IFNLR1: variants seen among roughly 807,000 people sequenced by gnomAD.
IFNLR1 encodes the protein CRF2-12.
A neutral mutation model predicts 52.5 loss-of-function variants in IFNLR1; 28 were observed. That is an observed-to-expected ratio of 0.53 (90% CI 0.40 to 0.73). The LOEUF (loss-of-function observed/expected upper bound fraction) is 0.73. Ranked by LOEUF, IFNLR1 falls within the 30% of genes least tolerant of loss-of-function variation. The probability of loss-of-function intolerance (pLI) is 0.00; values close to 1 mark genes in which losing one functional copy is unlikely to be tolerated. For synonymous variants in IFNLR1, 276 were observed against 274.9 expected (o/e 1.00, Z -0.04); for missense variants, 623 against 659.1 (o/e 0.95, Z 0.60).
At chr1:24,179,489 A>G (rs1644667064) in intron 2 of IFNLR1, among the ~76,000 whole-genome samples, 1 of 152,162 alleles carries the variant, frequency 6.6e-6, no homozygotes, top group African/African-American at 2.4e-5. Context: ...CTTGCTTTTG[A>G]AAGCTCTCTT....
At chr1:24,166,359 T>C (rs1644519888) in intron 3 of IFNLR1, among the ~76,000 whole-genome samples, 1 of 152,114 alleles carries the variant, frequency 6.6e-6, no homozygotes, top group Admixed American at 6.6e-5. Context: ...ATTCTTCCCA[T>C]ACATCCATTC....
intron 5 of IFNLR1, 77 bp from the exon 6 acceptor site, chr1:24,159,259 A>G: frequency 1.3e-6 from 2 of 1,528,112 alleles, no homozygotes; most frequent in Middle Eastern, 1.7e-4. Context: ...AGTGCTTCAC[A>G]TACATGACCC....
chr1:24,184,521 C>T (rs1644719407), intron 1 of IFNLR1, among the ~76,000 whole-genome samples: 1 of 152,048 alleles, frequency 6.6e-6, no homozygotes, highest in African/African-American at 2.4e-5. Flanking sequence ...CCAACAGCTA[C>T]CCTACAGGCT....
chr1:24,154,518 A>C lies in IFNLR1; in HGVS notation c.*2612T>G, dbSNP rs1644359400. On this transcript the variant is annotated 3_prime_UTR_variant, in exon 7 of 7. Coordinates refer to ENST00000327535, the MANE Select transcript of IFNLR1 (RefSeq NM_170743.4). ...TGCTTCTCCTGGCTTTTTGTGAATG[A>C]CTTAATGACGATAAAGGAGATGGAG... The C allele has an allele frequency of 6.6e-6, 1 of 152,204 alleles. No homozygotes were observed. Among genetic ancestry groups the C allele is most frequent in the African/African-American group, 2.4e-5 (1 of 41,452 alleles). 9.4% of individuals were successfully genotyped at this position (152,204 alleles called of 1,614,324 possible).
intron 5 of IFNLR1, 66 bp from the exon 6 acceptor site, chr1:24,159,248 G>T (rs896458269): frequency 1.9e-6 from 3 of 1,569,842 alleles, no homozygotes; most frequent in Non-Finnish European, 2.6e-6. Flanking sequence ...CACCTGTGCC[G>T]AGTGCTTCAC....
At chr1:24,175,037 A>G (rs1401726753) in intron 2 of IFNLR1, among the ~76,000 whole-genome samples, 1 of 152,248 alleles carries the variant, frequency 6.6e-6, no homozygotes, top group African/African-American at 2.4e-5. Flanking sequence ...AGCTTTGACT[A>G]AAGGGGACAG....
chr1:24,180,103 C>T (rs765246143), intron 2 of IFNLR1, among the ~76,000 whole-genome samples: 27 of 152,050 alleles, frequency 1.8e-4, no homozygotes, highest in Non-Finnish European at 3.1e-4. Flanking sequence ...TCGAGACCAG[C>T]GTGGGCAACA....
chr1:24,161,677 C>G lies in IFNLR1; in HGVS notation c.375G>C (p.Pro125=). The G allele has an allele frequency of 4.7e-6, 7 of 1,501,330 alleles. No individual in the cohort carries two copies. Among genetic ancestry groups the G allele is most frequent in the Non-Finnish European group, 6.3e-6 (7 of 1,119,020 alleles). The allele number at this position is 1,501,330 out of a possible 1,614,324, so 93.0% of individuals were successfully genotyped here. Reference sequence around the variant, plus strand: ...GGGTGAGCACCAGGACAGGTGGGGCCGGCTCCACTGCAGAAACAGAGCAGG... The same window carrying G: ...GGGTGAGCACCAGGACAGGTGGGGCGGGCTCCACTGCAGAAACAGAGCAGG... ...EYLDYLFEVE[P]APPVLVLTQT... The change falls in exon 4 of 7, where the codon CCG becomes CCC. Residue 125 remains proline (P), a synonymous_variant. Coordinates refer to ENST00000327535, the MANE Select transcript of IFNLR1 (RefSeq NM_170743.4).
rs756629011 is a variant in IFNLR1 at position 24,157,302 on chromosome 1, C to T, written c.1391G>A (p.Gly464Glu). 1.2e-6 allele frequency: 2 copies of T among 1,614,166 alleles called. No individual in the cohort carries two copies. The highest frequency in any genetic ancestry group is 8.5e-7 in the Non-Finnish European group (1 of 1,180,034). ...LPPEPNLVPG[G>E]PPVSLQTLTF... ...CAGTGTCTGAAGAGAAACTGGGGGT[C>T]CCCCAGGGACCAGATTCGGCTCCGG... Residue 464 changes from glycine to glutamate, a missense_variant, in exon 7 of 7, where the codon GGA (glycine) becomes GAA (glutamate). By Grantham distance (98) the Gly-to-Glu change is moderately conservative (BLOSUM62 -2). Coordinates refer to ENST00000327535, the MANE Select transcript of IFNLR1 (RefSeq NM_170743.4). The surrounding 1 kb of genome is among the most constrained non-coding windows in gnomAD (Gnocchi z 5.1).
intron 2 of IFNLR1, among the ~76,000 whole-genome samples, chr1:24,173,127 CAAAAAA>C (rs60148493): frequency 1.0e-4 from 11 of 106,922 alleles, no homozygotes; most frequent in African/African-American, 3.6e-4. Context: ...TTTTCTCTTC[CAAAAAA>C]AAAAAAAAAA....
intron 3 of IFNLR1, among the ~76,000 whole-genome samples, chr1:24,162,247 C>A (rs2148588516): frequency 6.6e-6 from 1 of 152,246 alleles, no homozygotes; most frequent in Non-Finnish European, 1.5e-5. Context: ...TGTTTCCTGG[C>A]CGATTGTTAG....
At position 24,158,935 on chromosome 1, in the gene IFNLR1, T is replaced by C. The variant is rs1014083517; in HGVS notation, c.801+117A>G. 7 of 1,045,120 alleles carry C rather than the reference T, an allele frequency of 6.7e-6. No homozygotes were observed. In the Middle Eastern group the frequency reaches 1.3e-3, roughly 192 times the overall value. The allele number at this position is 1,045,120 out of a possible 1,614,324, so 64.7% of individuals were successfully genotyped here. A position where few individuals can be genotyped will look rare whatever the true frequency, so the allele number is the denominator to read the frequency against. ...GGAAATTCAGACACAAAGATAGATGTTTTGGTCCAAGAGTCTGGACCATCT... is the reference window on the plus strand; with the variant it reads ...GGAAATTCAGACACAAAGATAGATGCTTTGGTCCAAGAGTCTGGACCATCT... On this transcript the variant is annotated intron_variant, in intron 6 of 6. Coordinates refer to ENST00000327535, the MANE Select transcript of IFNLR1 (RefSeq NM_170743.4).
intron 4 of IFNLR1, 105 bp from the exon 5 acceptor site, chr1:24,159,738 T>TTTTTTTGTTTTTG: frequency 1.7e-6 from 1 of 581,556 alleles, no homozygotes; most frequent in East Asian, 4.4e-5. Context: ...TTTTTTTTTG[T>TTTTTTTGTTTTTG]TTTTTTTTTT....
rs201771973 is a variant in IFNLR1, at chr1:24,159,116, C to A, written c.737G>T (p.Gly246Val). The change falls in exon 6 of 7, where the codon GGT (glycine) becomes GTT (valine). Residue 246 changes from glycine (G) to valine (V), a missense_variant. Physicochemically the swap from Gly to Val is moderately radical, Grantham distance 109 (BLOSUM62 -3). Transcript: ENST00000327535. ...CCCCATGAGGGTCTTCCAGATCACA[C>A]CCCCTGCGGCAATTACTAACAGCAG... ...LILLLVIAAG[G>V]VIWKTLMGNP... 3 of 1,614,148 alleles carry A rather than the reference C, an allele frequency of 1.9e-6. No homozygotes were observed. Among genetic ancestry groups the A allele is most frequent in the Admixed American group, 3.3e-5 (2 of 60,020 alleles).
intron 4 of IFNLR1, among the ~76,000 whole-genome samples, chr1:24,160,946 A>G (rs529391658): frequency 6.6e-6 from 1 of 150,826 alleles, no homozygotes; most frequent in African/African-American, 2.4e-5. Flanking sequence ...CTGGTCTTGA[A>G]CTCCTGGGCT....
intron 3 of IFNLR1, among the ~76,000 whole-genome samples, chr1:24,167,744 A>G (rs1488862367): frequency 1.4e-5 from 2 of 147,912 alleles, no homozygotes; most frequent in African/African-American, 2.5e-5. Context: ...ACCCAGGCTG[A>G]AGTGCAGTGG....
At chr1:24,165,916 C>T (rs566842388) in intron 3 of IFNLR1, among the ~76,000 whole-genome samples, 13 of 152,178 alleles carry the variant, frequency 8.5e-5, no homozygotes, top group Admixed American at 3.3e-4. Flanking sequence ...AAAGTGACCA[C>T]GGCCACATAT....
intron 1 of IFNLR1, among the ~76,000 whole-genome samples, chr1:24,186,682 CAACAACAA>C (rs907275399): frequency 2.0e-5 from 3 of 152,098 alleles, no homozygotes; most frequent in South Asian, 4.1e-4. Flanking sequence ...ACAACAACAA[CAACAACAA>C]AACAACAACA....
chr1:24,180,453 C>T (rs1247135829), intron 2 of IFNLR1, among the ~76,000 whole-genome samples: 1 of 152,108 alleles, frequency 6.6e-6, no homozygotes, highest in Non-Finnish European at 1.5e-5. Flanking sequence ...CCTCTGGCCC[C>T]CACAGCTACA....
Sources: gnomAD v4.1 joint callset for allele counts (sites outside exome capture counted in the v4.1 genomes callset) on GRCh38, gnomAD v4.1.1 for gene constraint, Gnocchi (gnomAD v3.1) non-coding constraint, MANE v1.5 for transcripts, NCBI Gene and HGNC (gene_info 2026-07-23, HGNC 2026-07-21) for gene names.